The following GALNT13 variants were observed in gnomAD, a reference collection of about 807,000 sequenced individuals.
The protein encoded by GALNT13 is polypeptide N-acetylgalactosaminyltransferase 13.
A neutral mutation model predicts 64.2 loss-of-function variants in GALNT13; 28 were observed. The observed-to-expected ratio is 0.44, with a 90% CI of 0.32 to 0.60. GALNT13 has a LOEUF of 0.60. GALNT13 is among the 20% of genes least tolerant of loss of function. GALNT13 has a pLI of 0.05. For missense variants in GALNT13, 577 were observed against 669.8 expected (o/e 0.86, Z 1.53); for synonymous variants, 214 against 224.6 (o/e 0.95, Z 0.42).
At chr2:153,553,121 C>G in the GALNT13 span, among the ~76,000 whole-genome samples, 2 of 152,142 alleles carry the variant, frequency 1.3e-5, no homozygotes, top group African/African-American at 4.8e-5. Flanking sequence ...GAAAAATAAA[C>G]AGTGGTCACT....
chr2:153,377,284 C>T, the GALNT13 span, among the ~76,000 whole-genome samples: 1 of 152,070 alleles, frequency 6.6e-6, no homozygotes, highest in Non-Finnish European at 1.5e-5. Flanking sequence ...AAATAAACTT[C>T]TGTTATTGAA....
chr2:153,596,995 A>G, the GALNT13 span, among the ~76,000 whole-genome samples: 1 of 152,114 alleles, frequency 6.6e-6, no homozygotes, highest in African/African-American at 2.4e-5. Context: ...CCAATGACAA[A>G]CAGAAAAATG....
the GALNT13 span, among the ~76,000 whole-genome samples, chr2:153,630,453 A>T: frequency 0.36 from 47,138 of 131,022 alleles, 10,051 homozygotes; most frequent in Middle Eastern, 0.55. Context: ...AACAATGAGA[A>T]CACATGTACA....
chr2:153,694,417 A>G, the GALNT13 span, among the ~76,000 whole-genome samples: 5 of 152,222 alleles, frequency 3.3e-5, no homozygotes, highest in Admixed American at 3.3e-4. Context: ...TTAATTATGT[A>G]TGATGAAATA....
rs868667805 is a variant in GALNT13 at position 154,110,372 on chromosome 2, G to C, written c.143-29965G>C. On this transcript the variant is annotated intron_variant, in intron 3 of 12. Coordinates refer to ENST00000392825, the MANE Select transcript of GALNT13 (RefSeq NM_052917.4). ...AGAGAGAGAGAGAGAGAGAGAGAGAGAGAGACAGAGAGAGAGAGAGAGAGA... is the reference window on the plus strand; with the variant it reads ...AGAGAGAGAGAGAGAGAGAGAGAGACAGAGACAGAGAGAGAGAGAGAGAGA... 9.7e-3 allele frequency among the ~76,000 whole-genome samples: 959 copies of C among 98,980 alleles called. 25 individuals carry two copies. Among genetic ancestry groups the C allele is most frequent in the East Asian group, 0.035 (32 of 920 alleles). 64.9% of individuals were successfully genotyped at this position (98,980 alleles called of 152,430 possible). A position where few individuals can be genotyped will look rare whatever the true frequency, so the allele number is the denominator to read the frequency against.
chr2:154,134,068 T>C (rs1377312730), intron 3 of GALNT13, among the ~76,000 whole-genome samples: 1 of 152,054 alleles, frequency 6.6e-6, no homozygotes, highest in Non-Finnish European at 1.5e-5. Flanking sequence ...GAGCCTGGCT[T>C]GAATTGGCAC....
the GALNT13 span, among the ~76,000 whole-genome samples, chr2:153,299,689 A>C: frequency 3.9e-5 from 6 of 152,310 alleles, no homozygotes; most frequent in Non-Finnish European, 8.8e-5. Context: ...ATCAATACAG[A>C]TCAGCCCTTT....
the GALNT13 span, chr2:153,478,687 C>A: frequency 1.2e-6 from 1 of 818,670 alleles, no homozygotes; most frequent in Admixed American, 3.0e-5. Context: ...GGGCTCCTCG[C>A]TCTGCTTTCG....
the GALNT13 span, among the ~76,000 whole-genome samples, chr2:153,797,364 C>A: frequency 2.0e-5 from 3 of 152,154 alleles, no homozygotes; most frequent in African/African-American, 7.2e-5. Context: ...TGCTCTTAGT[C>A]TTCTTTAAGG....
At chr2:153,822,352 A>G in the GALNT13 span, among the ~76,000 whole-genome samples, 1 of 152,170 alleles carries the variant, frequency 6.6e-6, no homozygotes. Flanking sequence ...AGCAAGCCAA[A>G]TCCAGCAGCA....
chr2:154,242,756 T>C lies in GALNT13; in HGVS notation c.537T>C (p.Ile179=). The part of the protein sequence containing the change: ...YVKNLEVPVK[I]IRMEERSGLI... ...AAAATTTAGAAGTGCCAGTAAAAAT[T>C]ATTAGGATGGAAGAACGCTCTGGGT... is the stretch of plus-strand genomic sequence containing the variant. Residue 179 remains isoleucine (I), a synonymous_variant, in exon 6 of 13, where the codon ATT becomes ATC. Coordinates refer to ENST00000392825, the MANE Select transcript of GALNT13 (RefSeq NM_052917.4). The C allele has an allele frequency of 1.2e-6, 2 of 1,613,960 alleles. No individual in the cohort carries two copies. The highest frequency in any genetic ancestry group is 8.5e-7 in the Non-Finnish European group (1 of 1,179,846).
chr2:153,396,350 G>T, the GALNT13 span, among the ~76,000 whole-genome samples: 5 of 152,034 alleles, frequency 3.3e-5, no homozygotes, highest in African/African-American at 4.8e-5. Context: ...CTATTAAATG[G>T]GAAAGGGAGA....
the GALNT13 span, among the ~76,000 whole-genome samples, chr2:153,721,346 G>T: frequency 1.4e-5 from 2 of 138,540 alleles, no homozygotes; most frequent in Non-Finnish European, 3.1e-5. Context: ...AGTACCAGCC[G>T]CTGCAAAATC....
At chr2:153,737,648 C>T in the GALNT13 span, among the ~76,000 whole-genome samples, 1 of 151,994 alleles carries the variant, frequency 6.6e-6, no homozygotes, top group African/African-American at 2.4e-5. Flanking sequence ...TTCATCGTCT[C>T]GTAGTTTTGT....
the GALNT13 span, among the ~76,000 whole-genome samples, chr2:153,545,797 C>A: frequency 3.3e-5 from 5 of 152,148 alleles, no homozygotes; most frequent in Non-Finnish European, 7.4e-5. Flanking sequence ...AAGTCTCTTA[C>A]CCACCCCCAA....
the GALNT13 span, among the ~76,000 whole-genome samples, chr2:153,193,563 A>T: frequency 8.7e-3 from 1,317 of 152,124 alleles, 7 homozygotes; most frequent in Non-Finnish European, 0.014. Flanking sequence ...AACCTGCACA[A>T]TGTGCACATG....
chr2:153,738,058 A>AT, the GALNT13 span, among the ~76,000 whole-genome samples: 3 of 151,058 alleles, frequency 2.0e-5, no homozygotes, highest in Admixed American at 6.6e-5. Context: ...CTTGGTTTTC[A>AT]TTTTTCCAGT....
intron 8 of GALNT13, among the ~76,000 whole-genome samples, chr2:154,290,421 C>T (rs779145925): frequency 6.6e-6 from 1 of 152,164 alleles, no homozygotes; most frequent in Non-Finnish European, 1.5e-5. Context: ...TCTCTCTTGC[C>T]GGGGTAGACT....
chr2:154,284,987 T>G (rs1692179323), intron 8 of GALNT13, among the ~76,000 whole-genome samples: 1 of 152,188 alleles, frequency 6.6e-6, no homozygotes, highest in Admixed American at 6.5e-5. Flanking sequence ...TAGTGATGTT[T>G]CACATTTTTT....
Sources: gnomAD v4.1 joint callset for allele counts (sites outside exome capture counted in the v4.1 genomes callset) on GRCh38, gnomAD v4.1.1 for gene constraint, MANE v1.5 for transcripts, NCBI Gene and HGNC (gene_info 2026-07-23, HGNC 2026-07-21) for gene names.